The following POLK variants were observed in gnomAD, a reference collection of about 807,000 sequenced individuals.
The protein encoded by POLK is DNA polymerase kappa.
A neutral mutation model predicts 94.0 loss-of-function variants in POLK; 76 were observed. The observed-to-expected ratio is 0.81, with a 90% confidence interval of 0.67 to 0.98. The LOEUF (loss-of-function observed/expected upper bound fraction) is 0.98. Among genes scored for constraint, POLK ranks in the 50% least tolerant of loss-of-function variants. The pLI is 0.00. For synonymous variants in POLK, 349 were observed against 325.4 expected (o/e 1.07, Z -0.78); for missense variants, 954 against 1,010.1 (o/e 0.94, Z 0.75).
At chr5:75,576,054 A>G (rs139124784) in intron 5 of POLK, among the ~76,000 whole-genome samples, 1 of 152,272 alleles carries the variant, frequency 6.6e-6, no homozygotes, top group African/African-American at 2.4e-5. Flanking sequence ...TAGTAACACT[A>G]TGTTATATAA....
At chr5:75,584,893 T>G in exon 9 of POLK, 1 of 1,604,958 alleles carries the variant, frequency 6.2e-7, no homozygotes, top group South Asian at 1.1e-5. Context: ...TTCCTTCATA[T>G]CTCCTTGGGT....
At chr5:75,526,564 T>G (rs534373520) in intron 1 of POLK, among the ~76,000 whole-genome samples, 64 of 146,282 alleles carry the variant, frequency 4.4e-4, no homozygotes, top group South Asian at 1.5e-3. Context: ...ATTTAATGGG[T>G]TTTTTTTTTG....
At chr5:75,512,295 C>T (rs1488356605) in intron 1 of POLK, 1 of 152,700 alleles carries the variant, frequency 6.5e-6, no homozygotes, top group African/African-American at 2.4e-5. Flanking sequence ...TTAGTACCTT[C>T]TCACAAGCAC....
At chr5:75,512,746 T>G (rs1317833312) in intron 1 of POLK, 2 of 152,198 alleles carry the variant, frequency 1.3e-5, no homozygotes, top group Non-Finnish European at 2.9e-5. Flanking sequence ...TTCCTTGTAA[T>G]TGCCAAGAGT....
chr5:75,557,853 G>T (rs1770718069), intron 3 of POLK, among the ~76,000 whole-genome samples: 1 of 152,124 alleles, frequency 6.6e-6, no homozygotes, highest in Non-Finnish European at 1.5e-5. Context: ...GTAGTGGGAT[G>T]ACCTCAGCTC....
rs545047342 is a variant in POLK, at chr5:75,560,885, T to C, written c.255+8294T>C. ...GCTGCGTAGTATTCCATGATGTATATGTGCCACATTTTCTTTATCCAGTCT... is the reference window on the plus strand; with the variant it reads ...GCTGCGTAGTATTCCATGATGTATACGTGCCACATTTTCTTTATCCAGTCT... On this transcript the variant is annotated intron_variant, in intron 3 of 14. Coordinates refer to ENST00000241436, the Ensembl canonical transcript of POLK. Among the ~76,000 whole-genome samples the C allele has an allele frequency of 4.6e-5, 7 of 152,360 alleles. No homozygotes were observed. The South Asian group carries it at 1.4e-3, about 32-fold the overall frequency.
exon 15 of POLK, chr5:75,599,827 A>G (rs1404120098): frequency 6.6e-6 from 1 of 152,130 alleles, no homozygotes; most frequent in African/African-American, 2.4e-5. Context: ...TCTAATAGAG[A>G]TGGTTTTCTA....
intron 12 of POLK, among the ~76,000 whole-genome samples, chr5:75,595,246 C>CAAAAAAAAA (rs1561412666): frequency 4.6e-5 from 1 of 21,676 alleles, no homozygotes; most frequent in African/African-American, 4.8e-4. Context: ...AACTCCACCT[C>CAAAAAAAAA]AGAAAAAAAA....
intron 3 of POLK, among the ~76,000 whole-genome samples, chr5:75,555,932 A>C (rs2112679970): frequency 6.6e-6 from 1 of 152,318 alleles, no homozygotes; most frequent in East Asian, 1.9e-4. Flanking sequence ...GGTTGCTTCT[A>C]AGTTTTGGGA....
exon 4 of POLK, chr5:75,569,381 G>C: frequency 6.2e-7 from 1 of 1,612,848 alleles, no homozygotes; most frequent in Non-Finnish European, 8.5e-7. Context: ...GCCGAAATTT[G>C]AGCAATACCA....
At chr5:75,553,020 G>T (rs1770411030) in intron 3 of POLK, among the ~76,000 whole-genome samples, 1 of 152,130 alleles carries the variant, frequency 6.6e-6, no homozygotes, top group African/African-American at 2.4e-5. Context: ...TTAAATTGGA[G>T]AGTAACTTAA....
intron 4 of POLK, among the ~76,000 whole-genome samples, chr5:75,571,474 G>A (rs1025110167): frequency 2.0e-5 from 3 of 152,146 alleles, no homozygotes; most frequent in African/African-American, 4.8e-5. Context: ...AGCAGAGTGC[G>A]ATGGCGATGG....
intron 3 of POLK, among the ~76,000 whole-genome samples, chr5:75,555,084 C>G (rs754075296): frequency 6.6e-6 from 1 of 152,228 alleles, no homozygotes; most frequent in African/African-American, 2.4e-5. Flanking sequence ...ATAGCCTCCC[C>G]TGCTATCACA....
At chr5:75,536,876 G>C (rs1769470108) in intron 1 of POLK, among the ~76,000 whole-genome samples, 1 of 152,242 alleles carries the variant, frequency 6.6e-6, no homozygotes, top group Non-Finnish European at 1.5e-5. Context: ...CTGGCTACCA[G>C]TGACGGGGGC....
Position 75,559,538 on chromosome 5 carries a change from T to G in POLK, c.255+6947T>G, listed in dbSNP as rs1300262142. 3.4e-4 allele frequency among the ~76,000 whole-genome samples: 47 copies of G among 136,930 alleles called. No individual in the cohort carries two copies. The East Asian group carries it at 8.2e-3, about 24-fold the overall frequency. 89.8% of individuals were successfully genotyped at this position (136,930 alleles called of 152,430 possible). On this transcript the variant is annotated intron_variant, in intron 3 of 14. Coordinates refer to ENST00000241436, the Ensembl canonical transcript of POLK. ...GTTTTGTTTTGTTTTTTTTTTTTTT[T>G]TTTTTTTTTTTTAGAGACAGGGTCT... is the stretch of plus-strand genomic sequence containing the variant.
chr5:75,530,871 G>A (rs1368304863), intron 1 of POLK, among the ~76,000 whole-genome samples: 13 of 148,302 alleles, frequency 8.8e-5, no homozygotes, highest in African/African-American at 3.0e-4. Context: ...GCCGTGGCGC[G>A]ATGTCCGCTT....
intron 1 of POLK, among the ~76,000 whole-genome samples, chr5:75,544,159 A>G (rs1213501831): frequency 6.6e-6 from 1 of 152,174 alleles, no homozygotes; most frequent in African/African-American, 2.4e-5. Context: ...TTTTTTGGCT[A>G]AGCAATTAAT....
chr5:75,587,248 C>A (rs1215225445), intron 10 of POLK, among the ~76,000 whole-genome samples, 190 bp downstream of exon 10: 2 of 152,114 alleles, frequency 1.3e-5, no homozygotes, highest in African/African-American at 4.8e-5. Flanking sequence ...GCTATAATCT[C>A]AAAAATTAAC....
chr5:75,567,044 T>C (rs990784035), intron 3 of POLK, among the ~76,000 whole-genome samples: 3 of 152,166 alleles, frequency 2.0e-5, no homozygotes, highest in Non-Finnish European at 2.9e-5. Flanking sequence ...TGAGAGATAG[T>C]AAAGGAAAGT....
Sources: allele counts gnomAD v4.1 joint callset (sites outside exome capture counted in the v4.1 genomes callset), GRCh38; gene constraint gnomAD v4.1.1; transcripts MANE v1.5; gene names NCBI Gene and HGNC (gene_info 2026-07-23, HGNC 2026-07-21).